The following ST7L variants were observed in gnomAD, a reference collection of about 807,000 sequenced individuals.
The protein encoded by ST7L is suppressor of tumorigenicity 7 protein-like.
ST7L carries 57 observed loss-of-function variants against 72.5 expected under a neutral mutation model. The ratio of observed to expected loss-of-function variants is 0.79; its 90% CI spans 0.64 to 0.98. The LOEUF (loss-of-function observed/expected upper bound fraction) is 0.98, where lower values mean the gene tolerates loss of function less well. ST7L is among the 50% of genes least tolerant of loss of function. ST7L has a pLI of 0.00. For missense variants in ST7L, 576 were observed against 672.2 expected (o/e 0.86, Z 1.58); for synonymous variants, 221 against 240.9 (o/e 0.92, Z 0.77).
At position 112,535,504 on chromosome 1, in the gene ST7L, C is replaced by T. The variant is rs149907363; in HGVS notation, c.1629+6447G>A. 2.5e-4 allele frequency among the ~76,000 whole-genome samples: 38 copies of T among 152,128 alleles called. No individual in the cohort carries two copies. The East Asian group carries it at 7.1e-3, about 29-fold the overall frequency. On this transcript the variant is annotated intron_variant, in intron 14 of 14. Transcript: ENST00000358039. ...CAGCATTTTGGTAGGCCGGTGTGGACAGATTGCTTGAGCTCAGGAGTTGGA... is the reference window on the plus strand; with the variant it reads ...CAGCATTTTGGTAGGCCGGTGTGGATAGATTGCTTGAGCTCAGGAGTTGGA...
At chr1:112,589,212 C>A (rs1394747676) in intron 6 of ST7L, among the ~76,000 whole-genome samples, 1 of 151,946 alleles carries the variant, frequency 6.6e-6, no homozygotes, top group Non-Finnish European at 1.5e-5. Context: ...TCTATTAAGT[C>A]CAAAGTCTAG....
In ST7L at chr1:112,587,435, C is replaced by G. The variant is rs1006888868; in HGVS notation, c.702-3309G>C. On this transcript the variant is annotated intron_variant, in intron 6 of 14. Coordinates refer to ENST00000358039, the MANE Select transcript of ST7L (RefSeq NM_017744.5). ...TGGCCAACATGGTGAAACCTTGTCT[C>G]TACTCTAAAAATACAAAATTAGCCG... Among the ~76,000 whole-genome samples the G allele has an allele frequency of 2.0e-5, 3 of 152,130 alleles. No individual in the cohort carries two copies. In the East Asian group the frequency reaches 5.8e-4, roughly 29 times the overall value.
chr1:112,588,716 C>G (rs1008811619), intron 6 of ST7L, among the ~76,000 whole-genome samples: 8 of 152,086 alleles, frequency 5.3e-5, no homozygotes, highest in African/African-American at 1.9e-4. Flanking sequence ...TATGTTGAAC[C>G]ATTCTTGCAT....
chr1:112,568,861 A>AATATATATAAATATAT (rs1410937307), intron 11 of ST7L, among the ~76,000 whole-genome samples: 70 of 114,886 alleles, frequency 6.1e-4, no homozygotes, highest in African/African-American at 2.3e-3. Context: ...TATAAATATA[A>AATATATATAAATATAT]ATATATATAT....
intron 14 of ST7L, chr1:112,539,287 TGAA>T (rs1191598630): frequency 6.6e-6 from 1 of 152,162 alleles, no homozygotes; most frequent in African/African-American, 2.4e-5. Context: ...TGTGAAGTGG[TGAA>T]GAAGTGTAAT....
rs185484415 is a variant in ST7L, at chr1:112,573,552, T to C, written c.1245+3434A>G. ...TCAATAGTTATGATATGCTTAGAAA[T>C]TGAATTTGTAATTAAACTATTAAAG... On this transcript the variant is annotated intron_variant, in intron 11 of 14. Transcript: ENST00000358039. Among the ~76,000 whole-genome samples the C allele has an allele frequency of 1.3e-3, 193 of 152,202 alleles. 1 individual carries two copies. Among genetic ancestry groups the C allele is most frequent in the Admixed American group, 2.2e-3 (34 of 15,292 alleles).
intron 11 of ST7L, among the ~76,000 whole-genome samples, chr1:112,569,487 A>G (rs1290615544): frequency 6.6e-6 from 1 of 152,264 alleles, no homozygotes; most frequent in Non-Finnish European, 1.5e-5. Flanking sequence ...GAATAGGCAA[A>G]TGCATAAAGA....
chr1:112,595,377 A>G (rs1279071363), intron 5 of ST7L, among the ~76,000 whole-genome samples: 2 of 149,644 alleles, frequency 1.3e-5, no homozygotes, highest in Non-Finnish European at 3.0e-5. Context: ...AAAGAAAAAA[A>G]AAAAAAAAAA....
At chr1:112,538,620 C>A (rs1655594413) in intron 14 of ST7L, among the ~76,000 whole-genome samples, 1 of 152,296 alleles carries the variant, frequency 6.6e-6, no homozygotes, top group Non-Finnish European at 1.5e-5. Flanking sequence ...GCTGGGATTA[C>A]AAGCACGAGA....
intron 12 of ST7L, among the ~76,000 whole-genome samples, chr1:112,555,178 GAAGAA>G (rs1658894751): frequency 6.6e-6 from 1 of 151,950 alleles, no homozygotes; most frequent in South Asian, 2.1e-4. Flanking sequence ...TATTAGTTAT[GAAGAA>G]AATAGTTTCA....
intron 13 of ST7L, among the ~76,000 whole-genome samples, chr1:112,542,353 G>A (rs1656241890): frequency 1.3e-5 from 2 of 151,966 alleles, no homozygotes; most frequent in Non-Finnish European, 2.9e-5. Context: ...TCATGCTGAG[G>A]TGATTTTGAA....
intron 6 of ST7L, among the ~76,000 whole-genome samples, chr1:112,585,518 G>A (rs1664737950): frequency 6.6e-6 from 1 of 152,092 alleles, no homozygotes; most frequent in African/African-American, 2.4e-5. Flanking sequence ...CGAGGCGGGC[G>A]GATCACGAGG....
chr1:112,612,794 A>G (rs1020702301), intron 2 of ST7L, among the ~76,000 whole-genome samples: 3 of 152,080 alleles, frequency 2.0e-5, no homozygotes, highest in Non-Finnish European at 2.9e-5. Context: ...TGTGACAGAA[A>G]AGGTTTATAT....
At chr1:112,611,825 T>C (rs551404214) in intron 2 of ST7L, among the ~76,000 whole-genome samples, 37 of 151,670 alleles carry the variant, frequency 2.4e-4, no homozygotes, top group Non-Finnish European at 4.7e-4. Flanking sequence ...AAATATTAGC[T>C]GGGTGAGGTG....
chr1:112,589,388 C>A (rs1358924390), intron 6 of ST7L, among the ~76,000 whole-genome samples: 1 of 152,070 alleles, frequency 6.6e-6, no homozygotes, highest in Non-Finnish European at 1.5e-5. Flanking sequence ...CACACCCAAC[C>A]TGATTTCTTT....
chr1:112,563,684 A>C (rs748372065), intron 11 of ST7L, among the ~76,000 whole-genome samples: 14 of 152,200 alleles, frequency 9.2e-5, no homozygotes, highest in Non-Finnish European at 1.5e-4. Flanking sequence ...ATAATTATTA[A>C]GGCTCCTTTG....
downstream of ST7L, chr1:112,520,475 C>T (rs761344062): frequency 2.5e-6 from 4 of 1,614,054 alleles, no homozygotes; most frequent in Non-Finnish European, 3.4e-6. Flanking sequence ...ACTTGCAAAG[C>T]CCCCAAGAAG....
At chr1:112,529,775 T>C (rs951875942) in intron 14 of ST7L, 1 of 132,876 alleles carries the variant, frequency 7.5e-6, no homozygotes, top group Non-Finnish European at 1.6e-5. Context: ...AAAAAAAAGG[T>C]AACTATGCTC....
At chr1:112,561,378 C>CAA (rs33953697) in intron 11 of ST7L, among the ~76,000 whole-genome samples, 23,845 of 90,242 alleles carry the variant, frequency 0.26, 2,685 homozygotes, top group Middle Eastern at 0.33. Context: ...CTCCCTGCCT[C>CAA]AAAAAAAAAA....
Sources: allele counts gnomAD v4.1 joint callset (sites outside exome capture counted in the v4.1 genomes callset), GRCh38; gene constraint gnomAD v4.1.1; transcripts MANE v1.5; gene names NCBI Gene and HGNC (gene_info 2026-07-23, HGNC 2026-07-21).